The following OC90 variants were observed in gnomAD, a reference collection of about 807,000 sequenced individuals.
The protein encoded by OC90 is otoconin 90, also known as otoconin-90.
Under a neutral mutation model 47.3 loss-of-function variants are expected in OC90, and 46 were observed. The observed-to-expected ratio is 0.97, with a 90% CI of 0.77 to 1.24. OC90 has a LOEUF of 1.24. OC90 is among the 50% of genes most tolerant of loss of function. The pLI, the probability that OC90 is intolerant of heterozygous loss-of-function variation, is 0.00. For missense variants in OC90, 688 were observed against 583.9 expected, an observed-to-expected ratio of 1.18 and a Z score of -1.84; for synonymous variants, 271 against 219.5, an observed-to-expected ratio of 1.23 and a Z score of -2.07.
At chr8:132,038,650 C>T (rs1823005174) in intron 8 of OC90, 140 bp downstream of exon 8, 1 of 704,628 alleles carries the variant, frequency 1.4e-6, no homozygotes, top group Non-Finnish European at 2.5e-6. Context: ...ATCTCCTAGC[C>T]AGAGAAGGCA....
At chr8:132,031,327 G>A (rs566672814) in intron 12 of OC90, among the ~76,000 whole-genome samples, 1 of 152,324 alleles carries the variant, frequency 6.6e-6, no homozygotes, top group Admixed American at 6.5e-5. Flanking sequence ...GTATGGGTTT[G>A]ATGCATATTT....
At chr8:132,032,198 C>T in intron 11 of OC90, 146 bp from the exon 12 acceptor site, 1 of 700,846 alleles carries the variant, frequency 1.4e-6, no homozygotes, top group East Asian at 2.6e-5. Context: ...CACCATTCTT[C>T]TGGGAAAGCT....
chr8:132,025,980 A>G (rs1822751773), intron 13 of OC90, among the ~76,000 whole-genome samples: 1 of 152,236 alleles, frequency 6.6e-6, no homozygotes, highest in Non-Finnish European at 1.5e-5. Flanking sequence ...TTCCCTATTC[A>G]TCATTCATAT....
At chr8:132,034,347 G>A (rs563325690) in intron 10 of OC90, among the ~76,000 whole-genome samples, 1 of 152,292 alleles carries the variant, frequency 6.6e-6, no homozygotes, top group East Asian at 1.9e-4. Context: ...CTAGCAATTA[G>A]GAAATAGTCA....
At chr8:132,047,589 T>C (rs1330087121) in intron 2 of OC90, among the ~76,000 whole-genome samples, 1 of 152,164 alleles carries the variant, frequency 6.6e-6, no homozygotes, top group Non-Finnish European at 1.5e-5. Flanking sequence ...AAAGCTAAAT[T>C]TGACATAATT....
At chr8:132,036,396 G>A in intron 9 of OC90, 1 of 780,804 alleles carries the variant, frequency 1.3e-6, no homozygotes, top group African/African-American at 1.7e-5. Context: ...TGATCAGTCT[G>A]TCAGCCTCAG....
At chr8:132,029,996 T>C (rs1392252633) in intron 12 of OC90, among the ~76,000 whole-genome samples, 3 of 152,206 alleles carry the variant, frequency 2.0e-5, no homozygotes, top group African/African-American at 7.2e-5. Context: ...TTGCACCTCT[T>C]CTCAACCAAT....
rs747162051 is a variant in OC90, at chr8:132,055,031, G to A, written c.-5C>T. 107 of 1,550,796 alleles carry A rather than the reference G, an allele frequency of 6.9e-5. No individual in the cohort carries two copies. Among genetic ancestry groups the A allele is most frequent in the Non-Finnish European group, 9.0e-5 (103 of 1,146,672 alleles). On this transcript the variant is annotated 5_prime_UTR_variant, in exon 2 of 14. Transcript: ENST00000254627. The stretch of plus-strand genomic sequence containing the variant: ...GGTGAGGAGAAACGCAATCATAGCA[G>A]GAGAACAAAGGATGGGGCTTAGGCA...
intron 12 of OC90, among the ~76,000 whole-genome samples, chr8:132,029,555 G>T (rs113968865): frequency 1.8e-4 from 27 of 152,092 alleles, no homozygotes; most frequent in Admixed American, 3.9e-4. Flanking sequence ...TTATGCAAAG[G>T]TACCATATGG....
At position 132,033,104 on chromosome 8, in the gene OC90, C is replaced by T. The variant is rs1333123411; in HGVS notation, c.794G>A (p.Gly265Asp). 3 of 1,609,160 alleles carry T rather than the reference C, an allele frequency of 1.9e-6. No individual in the cohort carries two copies. Among genetic ancestry groups the T allele is most frequent in the Admixed American group, 1.7e-5 (1 of 59,420 alleles). Residue 265 changes from glycine (G) to aspartate (D), a missense_variant, in exon 11 of 14, where the codon GGC (glycine) becomes GAC (aspartate). Coordinates refer to ENST00000254627, the MANE Select transcript of OC90 (RefSeq NM_001080399.3). ...TAKIVTLVPA[G>D]IKSLGLAVSS... is the part of the protein sequence containing the mutation. ...CACTGCCAGCCCCAGAGATTTAATG[C>T]CAGCAGGGACAAGGGTTACAATTTT...
At chr8:132,055,189 C>T (rs1823265703) in intron 1 of OC90, 116 bp from the exon 2 acceptor site, 1 of 589,094 alleles carries the variant, frequency 1.7e-6, no homozygotes, top group Non-Finnish European at 3.0e-6. Context: ...AAGGAGAAAG[C>T]CCTGAAAGGG....
At chr8:132,036,793 C>T (rs1378804645) in intron 9 of OC90, among the ~76,000 whole-genome samples, 2 of 152,210 alleles carry the variant, frequency 1.3e-5, no homozygotes, top group Non-Finnish European at 2.9e-5. Context: ...ATCTCGATCA[C>T]CTGTCTTAAA....
intron 11 of OC90, among the ~76,000 whole-genome samples, 186 bp downstream of exon 11, chr8:132,032,853 G>A (rs568533255): frequency 1.3e-5 from 2 of 152,276 alleles, no homozygotes; most frequent in East Asian, 3.9e-4. Context: ...CCTCCCAGTG[G>A]CTGAGTGGCT....
At chr8:132,027,396 G>A (rs563407599) in intron 13 of OC90, among the ~76,000 whole-genome samples, 4 of 152,302 alleles carry the variant, frequency 2.6e-5, no homozygotes, top group South Asian at 2.1e-4. Context: ...ATACCTGATC[G>A]TACAAGGCAA....
At chr8:132,047,244 C>G (rs1020893201) in intron 2 of OC90, among the ~76,000 whole-genome samples, 1 of 152,158 alleles carries the variant, frequency 6.6e-6, no homozygotes, top group African/African-American at 2.4e-5. Context: ...ATATACCATC[C>G]CACAAGGTTC....
At chr8:132,028,131 T>G (rs1822785476) in intron 13 of OC90, among the ~76,000 whole-genome samples, 1 of 152,196 alleles carries the variant, frequency 6.6e-6, no homozygotes. Flanking sequence ...TCACCGGCCC[T>G]GTGACTTAGG....
Position 132,041,712 on chromosome 8 carries a change from G to A in OC90, c.170-13C>T. The A allele has an allele frequency of 2.6e-6, 4 of 1,536,310 alleles. No individual in the cohort carries two copies. Among genetic ancestry groups the A allele is most frequent in the South Asian group, 1.1e-5 (1 of 88,460 alleles). On this transcript the variant is annotated splice_polypyrimidine_tract_variant and intron_variant, in intron 4 of 13. Coordinates refer to ENST00000254627, the MANE Select transcript of OC90 (RefSeq NM_001080399.3). ...GGGCCCAGGCAATCTGTGGGGGTGG[G>A]GGGCAGGGCCTGATAAGCACTGGGA...
chr8:132,038,196 T>G (rs1175382366), intron 8 of OC90, among the ~76,000 whole-genome samples: 1 of 152,164 alleles, frequency 6.6e-6, no homozygotes, highest in Non-Finnish European at 1.5e-5. Context: ...AGATCTATAT[T>G]TTAGATTAGG....
At position 132,041,715 on chromosome 8, in the gene OC90, G is replaced by GGC; in HGVS notation, c.170-17_170-16insGC. The GGC allele has an allele frequency of 7.0e-7, 1 of 1,432,208 alleles. No individual in the cohort carries two copies. The highest frequency in any genetic ancestry group is 9.8e-7 in the Non-Finnish European group (1 of 1,022,330). The allele number at this position is 1,432,208 out of a possible 1,614,324, so 88.7% of individuals were successfully genotyped here. On this transcript the variant is annotated splice_polypyrimidine_tract_variant and intron_variant, in intron 4 of 13. Transcript: ENST00000254627. ...CCCAGGCAATCTGTGGGGGTGGGGG[G>GGC]CAGGGCCTGATAAGCACTGGGAACT...
Sources: gnomAD v4.1 joint callset for allele counts (sites outside exome capture counted in the v4.1 genomes callset) on GRCh38, gnomAD v4.1.1 for gene constraint, MANE v1.5 for transcripts, NCBI Gene and HGNC (gene_info 2026-07-23, HGNC 2026-07-21) for gene names.